WWOX: variants seen among roughly 807,000 people sequenced by gnomAD.
The protein encoded by WWOX is WW domain-containing oxidoreductase.
Under a neutral mutation model 46.2 loss-of-function variants are expected in WWOX, and 69 were observed. That is an observed-to-expected ratio of 1.49 (90% CI 1.23 to 1.82). The LOEUF is 1.82. WWOX is among the 40% of genes most tolerant of loss of function. WWOX has a pLI of 0.00. For synonymous variants in WWOX, 359 were observed against 202.6 expected (o/e 1.77, Z -6.56); for missense variants, 919 against 542.6 (o/e 1.69, Z -6.89).
intron 8 of WWOX, among the ~76,000 whole-genome samples, chr16:78,935,624 G>A (rs71398115): frequency 6.7e-6 from 1 of 150,352 alleles, no homozygotes; most frequent in African/African-American, 2.5e-5. Flanking sequence ...GGGGAGGGGA[G>A]AAGGATAGCA....
At chr16:79,065,546 C>G (rs1163955853) in intron 8 of WWOX, among the ~76,000 whole-genome samples, 3 of 152,142 alleles carry the variant, frequency 2.0e-5, no homozygotes, top group Non-Finnish European at 2.9e-5. Flanking sequence ...AGTCTGAAAA[C>G]CATTCCAAAA....
chr16:78,475,249 C>CT (rs2084325288), intron 8 of WWOX, among the ~76,000 whole-genome samples: 2 of 152,188 alleles, frequency 1.3e-5, no homozygotes, highest in South Asian at 4.1e-4. Flanking sequence ...GCTGCTGCTG[C>CT]TTCTTCATCT....
chr16:78,382,852 C>G (rs1261488910), intron 5 of WWOX, among the ~76,000 whole-genome samples: 1 of 151,910 alleles, frequency 6.6e-6, no homozygotes, highest in Non-Finnish European at 1.5e-5. Context: ...TTAGTTCCTT[C>G]TCACACTGCT....
intron 8 of WWOX, among the ~76,000 whole-genome samples, chr16:78,617,202 C>T (rs1004245399): frequency 2.0e-5 from 3 of 151,932 alleles, no homozygotes; most frequent in South Asian, 4.2e-4. Context: ...ACTTGAGCCC[C>T]GGAGTTGAAG....
chr16:79,110,373 A>G (rs753789349), intron 8 of WWOX, among the ~76,000 whole-genome samples: 1 of 152,080 alleles, frequency 6.6e-6, no homozygotes, highest in Non-Finnish European at 1.5e-5. Context: ...GAGGCCATCA[A>G]ATGTAGCTTG....
In WWOX at chr16:78,227,692, C is replaced by T. The variant is rs186801058; in HGVS notation, c.516+63403C>T. Among the ~76,000 whole-genome samples, 321 of 152,116 alleles carry T rather than the reference C, an allele frequency of 2.1e-3. 3 individuals carry two copies. The highest frequency in any genetic ancestry group is 6.8e-3 in the Middle Eastern group (2 of 294). Reference sequence around the variant, plus strand: ...TGGAGTTTGAGACCAGCCTGGCTAACATGGTGAAACCCTGTCTCTACTAAA... The same window carrying T: ...TGGAGTTTGAGACCAGCCTGGCTAATATGGTGAAACCCTGTCTCTACTAAA... On this transcript the variant is annotated intron_variant, in intron 5 of 8. Transcript: ENST00000566780.
intron 8 of WWOX, among the ~76,000 whole-genome samples, chr16:79,141,658 A>G (rs1025169635): frequency 6.6e-6 from 1 of 152,184 alleles, no homozygotes; most frequent in African/African-American, 2.4e-5. Context: ...TCTTGTTCAT[A>G]TTTGGCCAGA....
intron 8 of WWOX, among the ~76,000 whole-genome samples, chr16:78,685,441 A>C (rs531834373): frequency 6.6e-6 from 1 of 152,306 alleles, no homozygotes; most frequent in African/African-American, 2.4e-5. Context: ...ATGTTCTCCT[A>C]ATAGTCACTT....
intron 5 of WWOX, among the ~76,000 whole-genome samples, chr16:78,255,909 T>C (rs1266225855): frequency 2.0e-5 from 3 of 152,068 alleles, no homozygotes; most frequent in African/African-American, 7.2e-5. Context: ...CTCAGCACTT[T>C]GAGAGGCTGA....
chr16:78,681,451 A>G (rs562486517), intron 8 of WWOX, among the ~76,000 whole-genome samples: 8 of 152,250 alleles, frequency 5.3e-5, no homozygotes, highest in African/African-American at 1.9e-4. Flanking sequence ...CATCTATAAA[A>G]CAATAAAGGA....
At chr16:78,710,185 TTTCCCCGTTCAAATC>T (rs1271228900) in intron 8 of WWOX, among the ~76,000 whole-genome samples, 1 of 151,912 alleles carries the variant, frequency 6.6e-6, no homozygotes, top group Non-Finnish European at 1.5e-5. Flanking sequence ...AAGAACAGGC[TTTCCCCGTTCAAATC>T]ACCCAGTGGC....
intron 5 of WWOX, among the ~76,000 whole-genome samples, chr16:78,317,305 C>A (rs2080374903): frequency 6.6e-6 from 1 of 152,172 alleles, no homozygotes; most frequent in Admixed American, 6.5e-5. Context: ...GTCTCTGTTT[C>A]TGTCTCTCTC....
At chr16:78,212,925 C>G (rs555021859) in intron 5 of WWOX, among the ~76,000 whole-genome samples, 87 of 152,242 alleles carry the variant, frequency 5.7e-4, no homozygotes, top group African/African-American at 2.1e-3. Context: ...TTCGTGATAT[C>G]TGACCACAGA....
At chr16:78,331,662 C>A (rs2080761713) in intron 5 of WWOX, among the ~76,000 whole-genome samples, 1 of 152,150 alleles carries the variant, frequency 6.6e-6, no homozygotes, top group African/African-American at 2.4e-5. Context: ...TGGGTGATGA[C>A]TGTAAATGAC....
intron 6 of WWOX, among the ~76,000 whole-genome samples, chr16:78,405,070 G>A (rs554381425): frequency 1.2e-4 from 19 of 152,204 alleles, no homozygotes; most frequent in African/African-American, 4.3e-4. Flanking sequence ...TTTGTTGCTG[G>A]GACTGCTGAT....
Position 78,375,598 on chromosome 16 carries a change from G to A in WWOX, c.517-11262G>A, listed in dbSNP as rs564508620. On this transcript the variant is annotated intron_variant, in intron 5 of 8. Transcript: ENST00000566780. Reference sequence around the variant, plus strand: ...GTTTTGCTTTTCTTTCATAGTCTCCGTAGGCTTCTTGGGAATGGAAATTGG... The same window carrying A: ...GTTTTGCTTTTCTTTCATAGTCTCCATAGGCTTCTTGGGAATGGAAATTGG... 3.9e-5 allele frequency among the ~76,000 whole-genome samples: 6 copies of A among 152,104 alleles called. No homozygotes were observed. In the South Asian group the frequency reaches 6.2e-4, roughly 16 times the overall value.
At chr16:78,671,204 C>T (rs146033546) in intron 8 of WWOX, among the ~76,000 whole-genome samples, 2 of 152,134 alleles carry the variant, frequency 1.3e-5, no homozygotes, top group Non-Finnish European at 2.9e-5. Context: ...AGGTGGATCA[C>T]TTCAACCCAG....
At chr16:78,811,024 C>G (rs1404583037) in intron 8 of WWOX, among the ~76,000 whole-genome samples, 1 of 152,116 alleles carries the variant, frequency 6.6e-6, no homozygotes, top group Admixed American at 6.5e-5. Flanking sequence ...GTAACTTGCA[C>G]TGTATTTCAG....
At chr16:79,072,118 A>C (rs930375001) in intron 8 of WWOX, among the ~76,000 whole-genome samples, 2 of 152,150 alleles carry the variant, frequency 1.3e-5, no homozygotes, top group African/African-American at 2.4e-5. Context: ...CTCCATCTCT[A>C]CAAAAAAAGA....
Sources: allele counts gnomAD v4.1 joint callset (sites outside exome capture counted in the v4.1 genomes callset), GRCh38; gene constraint gnomAD v4.1.1; transcripts MANE v1.5; gene names NCBI Gene and HGNC (gene_info 2026-07-23, HGNC 2026-07-21).